The following ROBO2 variants were observed in gnomAD, a reference collection of about 807,000 sequenced individuals.
ROBO2 encodes the protein roundabout homolog 2.
ROBO2 carries 53 observed loss-of-function variants against 160.8 expected under a neutral mutation model. The ratio of observed to expected loss-of-function variants is 0.33; its 90% CI spans 0.26 to 0.41. The LOEUF is 0.41. ROBO2 is among the 10% of genes least tolerant of loss of function. The pLI, the probability that ROBO2 is intolerant of heterozygous loss-of-function variation, is 1.00. For missense variants in ROBO2, 1,577 were observed against 1,722.4 expected (o/e 0.92, Z 1.49); for synonymous variants, 664 against 611.7 (o/e 1.09, Z -1.26).
intron 2 of ROBO2, among the ~76,000 whole-genome samples, chr3:76,418,989 T>C (rs980895112): frequency 7.6e-6 from 1 of 131,016 alleles, no homozygotes; most frequent in Admixed American, 7.4e-5. Context: ...AAAATACCAT[T>C]GCAACCACAT....
At chr3:77,407,067 C>T (rs917957247) in intron 2 of ROBO2, among the ~76,000 whole-genome samples, 2 of 152,108 alleles carry the variant, frequency 1.3e-5, no homozygotes, top group African/African-American at 4.8e-5. Flanking sequence ...CTCAAGCAAA[C>T]CTGCTGCCTT....
chr3:76,143,587 C>A (rs916601162), intron 2 of ROBO2, among the ~76,000 whole-genome samples: 1 of 151,998 alleles, frequency 6.6e-6, no homozygotes, highest in Non-Finnish European at 1.5e-5. Context: ...GTCTTTAAAT[C>A]TAATCAATTT....
In ROBO2 at chr3:76,272,816, G is replaced by GTATTTACATATAAAATATATA. The variant is rs1707565769; in HGVS notation, c.109+335220_109+335221insCATATAAAATATATATATTTA. Among the ~76,000 whole-genome samples, 3 of 3,240 alleles carry GTATTTACATATAAAATATATA rather than the reference G, an allele frequency of 9.3e-4. No homozygotes were observed. The South Asian group carries it at 0.035, about 38-fold the overall frequency. The allele number at this position is 3,240 out of a possible 152,430, so 2.1% of individuals were successfully genotyped here. A position where few individuals can be genotyped will look rare whatever the true frequency, so the allele number is the denominator to read the frequency against. On this transcript the variant is annotated intron_variant, in intron 2 of 26. Coordinates refer to the ROBO2 transcript ENST00000487694. ...TATATATATATAAAATATATAATAT[G>GTATTTACATATAAAATATATA]TATTTATATATAAAATATATATATT...
In ROBO2 at chr3:76,880,741, G is replaced by T. The variant is rs183392375; in HGVS notation, c.110-217273G>T. ...ACTCATTTGTTAAATGGAGTAAAAG[G>T]TTCATTCTTGATAACGCTAGATGAA... is the stretch of plus-strand genomic sequence containing the variant. On this transcript the variant is annotated intron_variant, in intron 2 of 26. Coordinates refer to the ROBO2 transcript ENST00000487694. Among the ~76,000 whole-genome samples, 201 of 152,202 alleles carry T rather than the reference G, an allele frequency of 1.3e-3. No homozygotes were observed. In the Middle Eastern group the frequency reaches 0.031, roughly 23 times the overall value.
chr3:76,636,196 G>A (rs1019108726), intron 2 of ROBO2, among the ~76,000 whole-genome samples: 20 of 151,998 alleles, frequency 1.3e-4, no homozygotes, highest in African/African-American at 4.4e-4. Flanking sequence ...AATTCCAAAG[G>A]AGTAATGACA....
chr3:77,443,182 G>A (rs887982296), intron 2 of ROBO2, among the ~76,000 whole-genome samples: 1 of 152,054 alleles, frequency 6.6e-6, no homozygotes, highest in Non-Finnish European at 1.5e-5. Flanking sequence ...ATAAATAATT[G>A]CTTTTAATAA....
intron 1 of ROBO2, among the ~76,000 whole-genome samples, chr3:77,074,393 ATGTGT>A (rs1256158724): frequency 6.6e-6 from 1 of 152,088 alleles, no homozygotes; most frequent in African/African-American, 2.4e-5. Context: ...ATGATTTTTG[ATGTGT>A]TGTGTTTCCA....
intron 2 of ROBO2, among the ~76,000 whole-genome samples, chr3:76,055,100 C>T (rs925546985): frequency 6.6e-6 from 1 of 152,142 alleles, no homozygotes; most frequent in Non-Finnish European, 1.5e-5. Flanking sequence ...AGCAAAGTCA[C>T]ATCTTACATG....
intron 23 of ROBO2, among the ~76,000 whole-genome samples, chr3:77,627,106 C>A (rs2095043600): frequency 6.6e-6 from 1 of 152,012 alleles, no homozygotes; most frequent in Non-Finnish European, 1.5e-5. Flanking sequence ...GGTTTGATGC[C>A]TTTAAAGAAC....
intron 2 of ROBO2, among the ~76,000 whole-genome samples, chr3:76,613,920 T>G (rs73114454): frequency 0.047 from 7,144 of 152,180 alleles, 258 homozygotes; most frequent in African/African-American, 0.096. Context: ...TAATATAGGT[T>G]TATTGGTTTA....
chr3:76,837,081 A>G (rs2067768558), intron 2 of ROBO2, among the ~76,000 whole-genome samples: 1 of 151,884 alleles, frequency 6.6e-6, no homozygotes, highest in African/African-American at 2.4e-5. Context: ...CCAAGTTAAT[A>G]TTATCTACAT....
intron 2 of ROBO2, among the ~76,000 whole-genome samples, chr3:76,199,442 G>T (rs1702415257): frequency 6.6e-6 from 1 of 152,150 alleles, no homozygotes; most frequent in Non-Finnish European, 1.5e-5. Context: ...AGAAAGGAAT[G>T]CAGCCTGCTA....
chr3:77,228,438 CT>C (rs943076843), intron 2 of ROBO2, among the ~76,000 whole-genome samples: 25 of 151,178 alleles, frequency 1.7e-4, no homozygotes, highest in East Asian at 3.9e-4. Context: ...CACACACACC[CT>C]TTTTTTTTAA....
At chr3:77,030,206 A>T (rs1270487595) in intron 2 of ROBO2, among the ~76,000 whole-genome samples, 1 of 152,192 alleles carries the variant, frequency 6.6e-6, no homozygotes, top group African/African-American at 2.4e-5. Flanking sequence ...GGCCTCCCAG[A>T]GTGCTGGGAT....
At chr3:76,035,966 G>T (rs1457290322) in intron 2 of ROBO2, among the ~76,000 whole-genome samples, 7 of 151,936 alleles carry the variant, frequency 4.6e-5, no homozygotes, top group African/African-American at 1.5e-4. Context: ...AGCTTTCGAA[G>T]AATTACTTCC....
intron 2 of ROBO2, among the ~76,000 whole-genome samples, chr3:75,963,092 C>G (rs1007440274): frequency 6.6e-6 from 1 of 151,768 alleles, no homozygotes; most frequent in African/African-American, 2.4e-5. Flanking sequence ...TTTCATCATA[C>G]TATATAAAAG....
intron 2 of ROBO2, among the ~76,000 whole-genome samples, chr3:77,339,207 A>T (rs2066804596): frequency 6.6e-6 from 1 of 152,092 alleles, no homozygotes; most frequent in Non-Finnish European, 1.5e-5. Context: ...AGATATATAT[A>T]TTCCGTATGG....
At chr3:76,127,595 A>AAC (rs2071038152) in intron 2 of ROBO2, among the ~76,000 whole-genome samples, 1 of 130,280 alleles carries the variant, frequency 7.7e-6, no homozygotes, top group African/African-American at 2.8e-5. Flanking sequence ...ATGGTTTGAA[A>AAC]AAATATATAT....
intron 2 of ROBO2, among the ~76,000 whole-genome samples, chr3:77,210,588 A>G (rs1280486715): frequency 6.6e-6 from 1 of 151,698 alleles, no homozygotes; most frequent in African/African-American, 2.4e-5. Context: ...AAAATCTCAC[A>G]AATAATTTTT....
Sources: allele counts gnomAD v4.1 joint callset (sites outside exome capture counted in the v4.1 genomes callset), GRCh38; gene constraint gnomAD v4.1.1; transcripts MANE v1.5; gene names NCBI Gene and HGNC (gene_info 2026-07-23, HGNC 2026-07-21).